PXDN: variants seen among roughly 807,000 people sequenced by gnomAD.
The protein encoded by PXDN is peroxidasin, also known as peroxidasin homolog.
In PXDN, 77 loss-of-function variants were observed where a neutral mutation model predicts 140.3. The observed-to-expected ratio is 0.55, with a 90% CI of 0.46 to 0.66. PXDN has a LOEUF of 0.66. Among genes scored for constraint, PXDN ranks in the 30% least tolerant of loss-of-function variants. The probability of loss-of-function intolerance (pLI) is 0.00; values close to 1 mark genes in which losing one functional copy is unlikely to be tolerated. For synonymous variants in PXDN, 911 were observed against 857.4 expected (o/e 1.06, Z -1.09); for missense variants, 1,838 against 2,039.5 (o/e 0.90, Z 1.90).
At position 1,644,556 on chromosome 2, in the gene PXDN, C is replaced by T. The variant is rs1372341500; in HGVS notation, c.3743+62G>A. On this transcript the variant is annotated intron_variant, in intron 18 of 22. Coordinates refer to ENST00000252804, the MANE Select transcript of PXDN (RefSeq NM_012293.3). ...CAGTCTCAACCAGGACAGCTCTTCTCCTCTGGAGTCCCTAAGAAGGTGGCT... is the reference window on the plus strand; with the variant it reads ...CAGTCTCAACCAGGACAGCTCTTCTTCTCTGGAGTCCCTAAGAAGGTGGCT... 2.1e-5 allele frequency: 32 copies of T among 1,491,288 alleles called. No homozygotes were observed. The East Asian group carries it at 2.4e-4, about 11-fold the overall frequency. 92.4% of individuals were successfully genotyped at this position (1,491,288 alleles called of 1,614,324 possible).
intron 13 of PXDN, 121 bp downstream of exon 13, chr2:1,661,951 G>A (rs1304188544): frequency 1.2e-6 from 1 of 819,352 alleles, no homozygotes; most frequent in Non-Finnish European, 1.9e-6. Context: ...CCCCACAGCA[G>A]AGGGGAGGCT....
chr2:1,680,431 G>A, intron 6 of PXDN, 69 bp from the exon 7 acceptor site: 1 of 1,568,020 alleles, frequency 6.4e-7, no homozygotes, highest in Non-Finnish European at 8.8e-7. Context: ...CATCAGACAG[G>A]GCTTCCAGGT....
chr2:1,680,093 G>C lies in PXDN; in HGVS notation c.730+100C>G, dbSNP rs528297346. 4.8e-5 allele frequency: 61 copies of C among 1,273,950 alleles called. No homozygotes were observed. The Admixed American group carries it at 7.7e-4, about 16-fold the overall frequency. 78.9% of individuals were successfully genotyped at this position (1,273,950 alleles called of 1,614,324 possible). On this transcript the variant is annotated intron_variant, in intron 7 of 22. Transcript: ENST00000252804. ...ATGGTGTGTGTGTAAATGTGTGTGT[G>C]TGGTGTGTGGATGTTGTGTGTGTAG...
chr2:1,675,102 T>C (rs1465070607), intron 8 of PXDN, among the ~76,000 whole-genome samples: 1 of 152,172 alleles, frequency 6.6e-6, no homozygotes, highest in Non-Finnish European at 1.5e-5. Flanking sequence ...CCCACAGGGA[T>C]TGCTGGATGG....
At position 1,649,949 on chromosome 2, in the gene PXDN, G is replaced by T. The variant is rs553566550; in HGVS notation, c.2105-274C>A. On this transcript the variant is annotated intron_variant, in intron 16 of 22. Coordinates refer to ENST00000252804, the MANE Select transcript of PXDN (RefSeq NM_012293.3). The surrounding 1 kb of genome is among the most constrained non-coding windows in gnomAD (Gnocchi z 7.1). ...CCCCTCCCCACTTAGCAGTCTCATG[G>T]TTTCAACCAGCAGCTCTCCTCTGGG... 3.2e-4 allele frequency among the ~76,000 whole-genome samples: 48 copies of T among 152,136 alleles called. No individual in the cohort carries two copies. The highest frequency in any genetic ancestry group is 1.1e-3 in the African/African-American group (45 of 41,518).
intron 1 of PXDN, among the ~76,000 whole-genome samples, chr2:1,739,404 G>T (rs1018886872): frequency 2.6e-5 from 4 of 152,120 alleles, no homozygotes; most frequent in Non-Finnish European, 5.9e-5. Context: ...ACCTGGAGCT[G>T]CCCCTGGATT....
intron 1 of PXDN, among the ~76,000 whole-genome samples, chr2:1,731,425 A>G (rs950315282): frequency 3.3e-5 from 5 of 152,148 alleles, no homozygotes; most frequent in African/African-American, 1.2e-4. Context: ...GAGCAGAAAC[A>G]GCGCATCAGC....
Position 1,649,057 on chromosome 2 carries a change from G to A in PXDN, c.2723C>T (p.Ser908Phe). The A allele has an allele frequency of 6.2e-7, 1 of 1,612,632 alleles. No individual in the cohort carries two copies. The highest frequency in any genetic ancestry group is 1.1e-5 in the South Asian group (1 of 91,080). The change falls in exon 17 of 23, where the codon TCC (serine) becomes TTC (phenylalanine). Residue 908 changes from serine (S) to phenylalanine (F), a missense_variant. Ser to Phe is a radical substitution (Grantham distance 155, BLOSUM62 -2). Coordinates refer to ENST00000252804, the MANE Select transcript of PXDN (RefSeq NM_012293.3). The surrounding 1 kb of genome is among the most constrained non-coding windows in gnomAD (Gnocchi z 7.1). Reference protein sequence around the residue: ...YPREQINQLTSYIDASNVYGS... With the variant: ...YPREQINQLTFYIDASNVYGS... ...GTACACGTTGGATGCGTCTATGTAG[G>A]AGGTGAGCTGGTTGATCTGCTCCCG...
At chr2:1,716,650 C>T (rs1022422580) in intron 1 of PXDN, among the ~76,000 whole-genome samples, 5 of 152,050 alleles carry the variant, frequency 3.3e-5, no homozygotes, top group African/African-American at 9.7e-5. Flanking sequence ...CAGCATCCTC[C>T]TCGGAAAGAG....
At chr2:1,736,537 C>T (rs895863669) in intron 1 of PXDN, among the ~76,000 whole-genome samples, 1 of 152,142 alleles carries the variant, frequency 6.6e-6, no homozygotes, top group African/African-American at 2.4e-5. Flanking sequence ...TCACTGATTA[C>T]AAGCCAGCCA....
At chr2:1,696,698 A>T (rs1169460927) in intron 1 of PXDN, among the ~76,000 whole-genome samples, 1 of 152,198 alleles carries the variant, frequency 6.6e-6, no homozygotes, top group Non-Finnish European at 1.5e-5. Flanking sequence ...AGCACATGAA[A>T]GGAGCTAGAA....
rs1684095979 is a variant in PXDN, at chr2:1,687,815, T to C, written c.345-112A>G. 2.6e-5 allele frequency: 20 copies of C among 781,068 alleles called. No homozygotes were observed. The South Asian group carries it at 3.8e-4, about 15-fold the overall frequency. The allele number at this position is 781,068 out of a possible 1,614,324, so 48.4% of individuals were successfully genotyped here. On this transcript the variant is annotated intron_variant, in intron 3 of 22. Coordinates refer to ENST00000252804, the MANE Select transcript of PXDN (RefSeq NM_012293.3). The surrounding 1 kb of genome is among the most constrained non-coding windows in gnomAD (Gnocchi z 4.0). ...GACAGTTTTACAATTAATGACTGTA[T>C]TAGAATGCAAACAAACCATCTGCAC...
At position 1,702,995 on chromosome 2, in the gene PXDN, GA is replaced by G. The variant is rs796781468; in HGVS notation, c.201-9862del. Among the ~76,000 whole-genome samples the G allele has an allele frequency of 4.0e-3, 288 of 71,714 alleles. 5 individuals carry two copies. The highest frequency in any genetic ancestry group is 0.014 in the African/African-American group (158 of 11,198). 47.0% of individuals were successfully genotyped at this position (71,714 alleles called of 152,430 possible). On this transcript the variant is annotated intron_variant, in intron 1 of 22. Transcript: ENST00000252804. ...CGGGACAACTCCAGGTGAAGGGGGG[GA>G]CAACTCCAGGTGAAGGGGGGACAGC...
chr2:1,715,633 G>A (rs1295332185), intron 1 of PXDN, among the ~76,000 whole-genome samples: 2 of 152,192 alleles, frequency 1.3e-5, no homozygotes, highest in African/African-American at 4.8e-5. Context: ...GCTCTCTGGT[G>A]GAGCCTGGTC....
chr2:1,684,463 C>G (rs1017360607), intron 4 of PXDN, among the ~76,000 whole-genome samples: 5 of 152,120 alleles, frequency 3.3e-5, no homozygotes, highest in African/African-American at 1.2e-4. Context: ...TTTTCACTTC[C>G]AAAATATATG....
At chr2:1,742,727 GC>G (rs749782956) in intron 1 of PXDN, among the ~76,000 whole-genome samples, 2 of 152,148 alleles carry the variant, frequency 1.3e-5, no homozygotes, top group Non-Finnish European at 2.9e-5. Context: ...TGAGTGAGAT[GC>G]CCCCGAGTCG....
At chr2:1,636,073 G>T in intron 21 of PXDN, 1 of 220,350 alleles carries the variant, frequency 4.5e-6, no homozygotes, top group Non-Finnish European at 9.0e-6. Context: ...AAATGCCTGG[G>T]CCATGAGGTG....
At chr2:1,671,586 GAAGTGTTACTGATCAA>G (rs1683578245) in intron 9 of PXDN, among the ~76,000 whole-genome samples, 1 of 152,174 alleles carries the variant, frequency 6.6e-6, no homozygotes, top group Non-Finnish European at 1.5e-5. Context: ...GATAGAGATA[GAAGTGTTACTGATCAA>G]AAATGTAATT....
In PXDN at chr2:1,639,404, T is replaced by A; in HGVS notation, c.3971A>T (p.Gln1324Leu). 6.2e-7 allele frequency: 1 copy of A among 1,613,994 alleles called. No individual in the cohort carries two copies. Among genetic ancestry groups the A allele is most frequent in the South Asian group, 1.1e-5 (1 of 91,086 alleles). The change falls in exon 20 of 23, where the codon CAG (glutamine) becomes CTG (leucine). Residue 1324 changes from glutamine (Q) to leucine (L), a missense_variant. Physicochemically the swap from Gln to Leu is moderately radical, Grantham distance 113 (BLOSUM62 -2). This residue lies in a region of PXDN where 850 missense variants were observed against 894.1 expected (regional missense o/e 0.95). Coordinates refer to ENST00000252804, the MANE Select transcript of PXDN (RefSeq NM_012293.3). This position sits in a 1 kb window ranked among gnomAD's most constrained non-coding sequence, Gnocchi z 5.0. ...DCCEDCRTRGQFNAFSYHFRG... is the reference protein window; with the variant it reads ...DCCEDCRTRGLFNAFSYHFRG... ...GAAATGATAGGAAAAGGCATTGAAC[T>A]GCCCCCTGGTCCTACAGTCTAAAAT...
Sources: allele counts gnomAD v4.1 joint callset (sites outside exome capture counted in the v4.1 genomes callset), GRCh38; gene constraint gnomAD v4.1.1; regional missense constraint gnomAD v4.1.1; non-coding constraint Gnocchi (gnomAD v3.1); transcripts MANE v1.5; gene names NCBI Gene and HGNC (gene_info 2026-07-23, HGNC 2026-07-21).